The following WWOX variants were observed in gnomAD, a reference collection of about 807,000 sequenced individuals.
WWOX encodes the protein WW domain-containing oxidoreductase.
A neutral mutation model predicts 46.2 loss-of-function variants in WWOX; 69 were observed. That is an observed-to-expected ratio of 1.49 (90% confidence interval 1.23 to 1.82). The LOEUF is 1.82. Among genes scored for constraint, WWOX ranks in the 40% most tolerant of loss-of-function variants. The probability of loss-of-function intolerance (pLI) is 0.00; values close to 1 mark genes in which losing one functional copy is unlikely to be tolerated. For synonymous variants in WWOX, 359 were observed against 202.6 expected (o/e 1.77, Z -6.56); for missense variants, 919 against 542.6 (o/e 1.69, Z -6.89).
intron 8 of WWOX, among the ~76,000 whole-genome samples, chr16:78,647,627 C>A (rs2046874871): frequency 6.6e-6 from 1 of 152,218 alleles, no homozygotes; most frequent in African/African-American, 2.4e-5. Context: ...CTACCATTTC[C>A]TGAGGGCATA....
chr16:78,753,627 C>T (rs905524243), intron 8 of WWOX, among the ~76,000 whole-genome samples: 1 of 150,958 alleles, frequency 6.6e-6, no homozygotes, highest in Admixed American at 6.6e-5. Context: ...TCATGAAATC[C>T]CATCTCTACA....
rs1002944947 is a variant in WWOX at position 79,080,658 on chromosome 16, C to T, written c.1057-130950C>T. ...TGGTCCAGTCATCTGTATCCGGCAT[C>T]GGGGTCTTGTTGAAAAACCATGGCT... On this transcript the variant is annotated intron_variant, in intron 8 of 8. Coordinates refer to ENST00000566780, the MANE Select transcript of WWOX (RefSeq NM_016373.4). 4.6e-5 allele frequency among the ~76,000 whole-genome samples: 7 copies of T among 152,114 alleles called. No homozygotes were observed. The East Asian group carries it at 5.8e-4, about 13-fold the overall frequency.
At chr16:78,469,728 T>TC (rs368825071) in intron 8 of WWOX, among the ~76,000 whole-genome samples, 11 of 152,208 alleles carry the variant, frequency 7.2e-5, no homozygotes, top group Non-Finnish European at 1.2e-4. Context: ...GTGTTTTTTT[T>TC]CCTCTCATTT....
intron 8 of WWOX, among the ~76,000 whole-genome samples, chr16:78,670,751 G>T (rs184274296): frequency 6.6e-6 from 1 of 152,086 alleles, no homozygotes; most frequent in Non-Finnish European, 1.5e-5. Context: ...GGCTGAAGCA[G>T]TTCTCCTGCT....
At chr16:78,864,549 A>G (rs1273884520) in intron 8 of WWOX, among the ~76,000 whole-genome samples, 1 of 151,918 alleles carries the variant, frequency 6.6e-6, no homozygotes, top group African/African-American at 2.4e-5. Context: ...GATTATAGGC[A>G]TGAGCCACTG....
intron 5 of WWOX, among the ~76,000 whole-genome samples, chr16:78,248,502 G>A (rs1232222373): frequency 2.6e-5 from 4 of 152,154 alleles, no homozygotes; most frequent in Admixed American, 2.0e-4. Flanking sequence ...TTGGGAGGCC[G>A]AGGCAGGTGG....
At chr16:79,191,200 C>G (rs541881610) in intron 8 of WWOX, among the ~76,000 whole-genome samples, 1 of 151,910 alleles carries the variant, frequency 6.6e-6, no homozygotes, top group African/African-American at 2.4e-5. Flanking sequence ...ACTACAGGCA[C>G]CTGCCACCAC....
At chr16:78,907,826 A>T (rs1437641301) in intron 8 of WWOX, among the ~76,000 whole-genome samples, 1 of 152,138 alleles carries the variant, frequency 6.6e-6, no homozygotes, top group Non-Finnish European at 1.5e-5. Context: ...ACTACCAGGA[A>T]TCCTCACCAG....
intron 6 of WWOX, among the ~76,000 whole-genome samples, chr16:78,422,702 T>TATATATATACACACACAC (rs2082966726): frequency 1.0e-5 from 1 of 100,192 alleles, no homozygotes; most frequent in African/African-American, 4.2e-5. Flanking sequence ...CACACACACA[T>TATATATATACACACACAC]ATATATATAC....
chr16:78,850,777 A>G (rs1257565131), intron 8 of WWOX, among the ~76,000 whole-genome samples: 1 of 152,142 alleles, frequency 6.6e-6, no homozygotes, highest in Admixed American at 6.5e-5. Flanking sequence ...GGACAAACAG[A>G]TATTGATACC....
In WWOX at chr16:78,424,986, A is replaced by G; in HGVS notation, c.722A>G (p.Gln241Arg). 4 of 1,614,076 alleles carry G rather than the reference A, an allele frequency of 2.5e-6. No homozygotes were observed. The highest frequency in any genetic ancestry group is 1.1e-5 in the South Asian group (1 of 91,074). ...VNHLGHFYLV[Q>R]LLQDVLCRSA... ...CATCTGGGGCACTTCTACCTTGTCC[A>G]GCTCCTCCAGGATGTTTTGTGCCGC... is the stretch of plus-strand genomic sequence containing the variant. Residue 241 changes from glutamine (Q) to arginine (R), a missense_variant, in exon 7 of 9, where the codon CAG (glutamine) becomes CGG (arginine). Transcript: ENST00000566780.
chr16:78,416,094 A>G (rs574480654), intron 6 of WWOX, among the ~76,000 whole-genome samples: 1 of 152,216 alleles, frequency 6.6e-6, no homozygotes, highest in African/African-American at 2.4e-5. Flanking sequence ...CACAGATGAG[A>G]ATCCACCCAA....
chr16:78,961,500 C>G (rs572725315), intron 8 of WWOX, among the ~76,000 whole-genome samples: 1 of 150,858 alleles, frequency 6.6e-6, no homozygotes, highest in African/African-American at 2.4e-5. Flanking sequence ...TGGATGGATG[C>G]GTGGGTGTGT....
intron 8 of WWOX, among the ~76,000 whole-genome samples, chr16:78,480,519 G>A (rs959246584): frequency 6.6e-6 from 1 of 152,224 alleles, no homozygotes; most frequent in Non-Finnish European, 1.5e-5. Flanking sequence ...TTTCACAGAT[G>A]AGGAAAGAGA....
intron 8 of WWOX, among the ~76,000 whole-genome samples, chr16:78,654,888 G>GA (rs1357849799): frequency 2.6e-5 from 4 of 151,924 alleles, no homozygotes; most frequent in African/African-American, 9.7e-5. Flanking sequence ...TGGTGGGGGG[G>GA]ATGCATATGT....
intron 8 of WWOX, among the ~76,000 whole-genome samples, chr16:79,036,129 C>G (rs188503175): frequency 3.3e-5 from 5 of 152,242 alleles, no homozygotes; most frequent in African/African-American, 1.2e-4. Flanking sequence ...CTTTCACTCT[C>G]TATGAAATAC....
intron 8 of WWOX, among the ~76,000 whole-genome samples, chr16:78,547,127 G>GAAAAAAAAAAAAAAAAAAAAAAAA (rs199726097): frequency 1.1e-5 from 1 of 87,500 alleles, no homozygotes. Context: ...CCTTGTCTCA[G>GAAAAAAAAAAAAAAAAAAAAAAAA]AAAAAAAAAA....
chr16:78,766,940 A>G (rs1456626890), intron 8 of WWOX, among the ~76,000 whole-genome samples: 1 of 152,176 alleles, frequency 6.6e-6, no homozygotes, highest in Non-Finnish European at 1.5e-5. Context: ...CCCCTTCCTC[A>G]CTTCCCCAAG....
chr16:78,627,349 G>A (rs1387192988), intron 8 of WWOX, among the ~76,000 whole-genome samples: 2 of 152,140 alleles, frequency 1.3e-5, no homozygotes, highest in African/African-American at 2.4e-5. Flanking sequence ...GAGAAGACCT[G>A]AATCCTAATT....
Sources: gnomAD v4.1 joint callset for allele counts (sites outside exome capture counted in the v4.1 genomes callset) on GRCh38, gnomAD v4.1.1 for gene constraint, MANE v1.5 for transcripts, NCBI Gene and HGNC (gene_info 2026-07-23, HGNC 2026-07-21) for gene names.